The following SYMPK variants were observed in gnomAD, a reference collection of about 807,000 sequenced individuals.
SYMPK encodes the protein symplekin scaffold protein.
In SYMPK, 49 loss-of-function variants were observed where a neutral mutation model predicts 136.4. The observed-to-expected ratio is 0.36, with a 90% CI of 0.29 to 0.46. The LOEUF (loss-of-function observed/expected upper bound fraction) is 0.46, where lower values mean the gene tolerates loss of function less well. Ranked by LOEUF, SYMPK falls within the 20% of genes least tolerant of loss-of-function variation. SYMPK has a pLI of 1.00. For missense variants in SYMPK, 1,365 were observed against 1,690.0 expected, an observed-to-expected ratio of 0.81 and a Z score of 3.37; for synonymous variants, 766 against 713.0, an observed-to-expected ratio of 1.07 and a Z score of -1.19.
At chr19:45,858,315 C>G (rs913282805) in intron 1 of SYMPK, among the ~76,000 whole-genome samples, 2 of 152,160 alleles carry the variant, frequency 1.3e-5, no homozygotes, top group Non-Finnish European at 2.9e-5. Context: ...TGCCTCTCCC[C>G]CTGGGCTCTT....
chr19:45,827,063 T>C (rs1439325243), intron 16 of SYMPK, among the ~76,000 whole-genome samples: 4 of 151,944 alleles, frequency 2.6e-5, no homozygotes, highest in Non-Finnish European at 4.4e-5. Context: ...GGCCCCTCCC[T>C]CCCCAGGGCA....
chr19:45,822,725 C>T (rs754473614), intron 21 of SYMPK, 31 bp downstream of exon 21: 34 of 1,605,168 alleles, frequency 2.1e-5, no homozygotes, highest in Non-Finnish European at 2.9e-5. Context: ...GTGGGTGGGC[C>T]TCTTGGTGGG....
Position 45,821,528 on chromosome 19 carries a change from G to A in SYMPK, c.2792-43C>T, listed in dbSNP as rs757094499. 17 of 1,389,314 alleles carry A rather than the reference G, an allele frequency of 1.2e-5. No homozygotes were observed. Among genetic ancestry groups the A allele is most frequent in the Middle Eastern group, 1.8e-4 (1 of 5,632 alleles). The allele number at this position is 1,389,314 out of a possible 1,614,324, so 86.1% of individuals were successfully genotyped here. A position where few individuals can be genotyped will look rare whatever the true frequency, so the allele number is the denominator to read the frequency against. On this transcript the variant is annotated intron_variant, in intron 21 of 26. Transcript: ENST00000245934. This position sits in a 1 kb window ranked among gnomAD's most constrained non-coding sequence, Gnocchi z 4.4. ...AAGGGTGGGGGAAGACAGTGCGGAC[G>A]CATAAGTGAAGAGATGGGTCTGAGT...
intron 5 of SYMPK, among the ~76,000 whole-genome samples, chr19:45,850,252 T>C (rs1971667494): frequency 6.6e-6 from 1 of 151,690 alleles, no homozygotes; most frequent in African/African-American, 2.4e-5. Flanking sequence ...CTCAAAAAAA[T>C]AATAAATAAA....
In SYMPK at chr19:45,820,804, ATT is replaced by A. The variant is rs1056588827; in HGVS notation, c.2893+578_2893+579del. 1.0e-3 allele frequency: 312 copies of A among 310,654 alleles called. 1 individual carries two copies. Among genetic ancestry groups the A allele is most frequent in the African/African-American group, 6.2e-3 (286 of 45,804 alleles). 19.2% of individuals were successfully genotyped at this position (310,654 alleles called of 1,614,324 possible). A position where few individuals can be genotyped will look rare whatever the true frequency, so the allele number is the denominator to read the frequency against. ...GTCACCTAACCTCTCTGGAGCCTCC[ATT>A]TCCTGTCTACACAATGGAAGTGAAC... On this transcript the variant is annotated intron_variant, in intron 22 of 26. Coordinates refer to ENST00000245934, the MANE Select transcript of SYMPK (RefSeq NM_004819.3).
chr19:45,818,390 G>T (rs1970806482), intron 22 of SYMPK, among the ~76,000 whole-genome samples: 1 of 152,182 alleles, frequency 6.6e-6, no homozygotes, highest in Non-Finnish European at 1.5e-5. Context: ...CCCCAAAATG[G>T]GTGGAACAGG....
intron 11 of SYMPK, 109 bp downstream of exon 11, chr19:45,834,969 C>T (rs973678933): frequency 5.4e-5 from 58 of 1,072,578 alleles, no homozygotes; most frequent in Admixed American, 1.0e-4. Flanking sequence ...TACACCTTAG[C>T]TCCCACATGA....
At chr19:45,831,784 A>G (rs755373227) in intron 11 of SYMPK, among the ~76,000 whole-genome samples, 196 bp from the exon 12 acceptor site, 40 of 152,190 alleles carry the variant, frequency 2.6e-4, no homozygotes, top group Non-Finnish European at 5.3e-4. Context: ...TAGAAATGCC[A>G]TTCATTGCTG....
At chr19:45,819,185 T>G (rs1970827930) in intron 22 of SYMPK, 1 of 152,352 alleles carries the variant, frequency 6.6e-6, no homozygotes. Context: ...CTGTCGGCTT[T>G]GCCCCAGCCC....
At chr19:45,843,342 C>G (rs181380558) in intron 8 of SYMPK, among the ~76,000 whole-genome samples, 2 of 152,148 alleles carry the variant, frequency 1.3e-5, no homozygotes, top group African/African-American at 4.8e-5. Context: ...GCATTCATAC[C>G]CCAACCCCAG....
In SYMPK at chr19:45,838,624, A is replaced by T; in HGVS notation, c.1088-9T>A. 6.2e-7 allele frequency: 1 copy of T among 1,612,060 alleles called. No homozygotes were observed. The highest frequency in any genetic ancestry group is 8.5e-7 in the Non-Finnish European group (1 of 1,178,644). On this transcript the variant is annotated splice_polypyrimidine_tract_variant and intron_variant, in intron 9 of 26. Transcript: ENST00000245934. Reference sequence around the variant, plus strand: ...CTCCCCCAGGTTGGGCTCTGGGATGAGGGAAAAGAACAAGATGCTGGCTAT... The same window carrying T: ...CTCCCCCAGGTTGGGCTCTGGGATGTGGGAAAAGAACAAGATGCTGGCTAT...
chr19:45,818,702 G>C (rs528302313), intron 22 of SYMPK, among the ~76,000 whole-genome samples: 3 of 152,292 alleles, frequency 2.0e-5, no homozygotes, highest in Non-Finnish European at 4.4e-5. Context: ...ACAAGAGAAG[G>C]CTGGGGCCGG....
chr19:45,852,446 T>C (rs1162331803), intron 4 of SYMPK, 36 bp downstream of exon 4: 2 of 1,614,096 alleles, frequency 1.2e-6, no homozygotes, highest in African/African-American at 1.3e-5. Context: ...CCCTTTCCCC[T>C]ACACCACACC....
chr19:45,826,106 C>T, intron 17 of SYMPK, 120 bp downstream of exon 17: 2 of 1,439,004 alleles, frequency 1.4e-6, no homozygotes, highest in Non-Finnish European at 1.9e-6. Flanking sequence ...GTGGCTGTCC[C>T]AGTCCTGCCC....
chr19:45,823,929 C>T (rs754747235), intron 18 of SYMPK, 54 bp from the exon 19 acceptor site: 11 of 1,440,450 alleles, frequency 7.6e-6, no homozygotes, highest in South Asian at 5.8e-5. Context: ...AGGGGAGGGT[C>T]AGGTGTTGCC....
At chr19:45,835,264 CATT>C in intron 10 of SYMPK, 36 bp from the exon 11 acceptor site, 2 of 1,535,260 alleles carry the variant, frequency 1.3e-6, no homozygotes, top group East Asian at 4.5e-5. Context: ...TCTCCTTAAT[CATT>C]AACTCAAGAA....
chr19:45,837,937 C>T (rs1383218397), intron 10 of SYMPK, among the ~76,000 whole-genome samples: 1 of 152,046 alleles, frequency 6.6e-6, no homozygotes, highest in African/African-American at 2.4e-5. Context: ...CCTGGGACGT[C>T]CAAAAGGAGG....
chr19:45,835,283 C>T, intron 10 of SYMPK, 55 bp from the exon 11 acceptor site: 1 of 1,500,490 alleles, frequency 6.7e-7, no homozygotes, highest in South Asian at 1.3e-5. Flanking sequence ...AAGAAGCATT[C>T]TTTCCATGCC....
intron 1 of SYMPK, among the ~76,000 whole-genome samples, chr19:45,860,952 G>A (rs1429114034): frequency 6.6e-6 from 1 of 152,244 alleles, no homozygotes; most frequent in Non-Finnish European, 1.5e-5. Flanking sequence ...GGCAGAGTCA[G>A]CAGCATGGCT....
Sources: allele counts gnomAD v4.1 joint callset (sites outside exome capture counted in the v4.1 genomes callset), GRCh38; gene constraint gnomAD v4.1.1; non-coding constraint Gnocchi (gnomAD v3.1); transcripts MANE v1.5; gene names NCBI Gene and HGNC (gene_info 2026-07-23, HGNC 2026-07-21).